Variants in SPECC1L observed in about 807,000 individuals in gnomAD.
SPECC1L encodes the protein cytospin-A.
Under a neutral mutation model 116.8 loss-of-function variants are expected in SPECC1L, and 40 were observed. The ratio of observed to expected loss-of-function variants is 0.34; its 90% CI spans 0.27 to 0.45. The LOEUF (loss-of-function observed/expected upper bound fraction) is 0.45. Ranked by LOEUF, SPECC1L falls within the 20% of genes least tolerant of loss-of-function variation. The pLI is 1.00. For missense variants in SPECC1L, 1,110 were observed against 1,373.6 expected, an observed-to-expected ratio of 0.81 and a Z score of 3.03; for synonymous variants, 504 against 500.6, an observed-to-expected ratio of 1.01 and a Z score of -0.09.
At position 24,356,393 on chromosome 22, in the gene SPECC1L, A is replaced by G. The variant is rs76111664; in HGVS notation, c.2744-6868A>G. Among the ~76,000 whole-genome samples, 25 of 152,082 alleles carry G rather than the reference A, an allele frequency of 1.6e-4. No individual in the cohort carries two copies. The East Asian group carries it at 4.6e-3, about 28-fold the overall frequency. ...ATTTGGGAATGTGTTATGTCTTCTT[A>G]GAGAACTAGCCCCTTTATTATTATT... On this transcript the variant is annotated intron_variant, in intron 11 of 16. Transcript: ENST00000314328.
intron 1 of SPECC1L, among the ~76,000 whole-genome samples, chr22:24,272,187 C>A (rs1458379346): frequency 1.3e-5 from 2 of 152,118 alleles, no homozygotes; most frequent in African/African-American, 4.8e-5. Flanking sequence ...TCAAGACCAG[C>A]CTGACCAACA....
chr22:24,352,973 A>G (rs775502991), intron 11 of SPECC1L, among the ~76,000 whole-genome samples: 3 of 152,240 alleles, frequency 2.0e-5, no homozygotes, highest in African/African-American at 4.8e-5. Context: ...AAAGTAAGTT[A>G]TAATCACTAC....
chr22:24,310,667 T>C (rs1002453349), intron 3 of SPECC1L, among the ~76,000 whole-genome samples: 7 of 152,190 alleles, frequency 4.6e-5, no homozygotes, highest in Non-Finnish European at 1.0e-4. Flanking sequence ...TCTGTCTTTT[T>C]TTTTGGTCTT....
At chr22:24,384,340 A>G (rs2042121010) in intron 14 of SPECC1L, among the ~76,000 whole-genome samples, 1 of 152,238 alleles carries the variant, frequency 6.6e-6, no homozygotes, top group Non-Finnish European at 1.5e-5. Context: ...GCCCATTCTG[A>G]AAGAAAAAGG....
In SPECC1L at chr22:24,295,671, G is replaced by T. The variant is rs547847409; in HGVS notation, c.-37-6524G>T. 3.2e-3 allele frequency among the ~76,000 whole-genome samples: 490 copies of T among 152,264 alleles called. 2 individuals carry two copies. Among genetic ancestry groups the T allele is most frequent in the Middle Eastern group, 0.014 (4 of 294 alleles). On this transcript the variant is annotated intron_variant, in intron 2 of 16. Coordinates refer to ENST00000314328, the MANE Select transcript of SPECC1L (RefSeq NM_015330.6). ...ATGTTGATTAAGAATACCAGCACGG[G>T]CCCGGCGCGGTGGCTCACACTTGTA...
At chr22:24,305,203 G>C (rs2049467761) in intron 3 of SPECC1L, among the ~76,000 whole-genome samples, 1 of 152,184 alleles carries the variant, frequency 6.6e-6, no homozygotes, top group Non-Finnish European at 1.5e-5. Context: ...GTACAGCAAA[G>C]TCCACAAAAC....
chr22:24,343,682 A>G (rs2041228571), intron 10 of SPECC1L: 1 of 202,602 alleles, frequency 4.9e-6, no homozygotes, highest in Admixed American at 6.0e-5. Context: ...GCTTGTCTCA[A>G]ATTCCTGGAC....
chr22:24,322,549 A>G lies in SPECC1L; in HGVS notation c.1569A>G (p.Ala523=), dbSNP rs1418758520. The change falls in exon 5 of 17, where the codon GCA becomes GCG. Residue 523 remains alanine, a synonymous_variant. Transcript: ENST00000314328. ...ATTTAAGCAATACTTTGAAAATGGC[A>G]GAACAAGACAATAAGGAAGCTCAAG... ...QQHLSNTLKM[A]EQDNKEAQEM... The G allele has an allele frequency of 6.2e-7, 1 of 1,614,244 alleles. No individual in the cohort carries two copies. Among genetic ancestry groups the G allele is most frequent in the African/African-American group, 1.3e-5 (1 of 75,068 alleles).
chr22:24,359,422 G>T, intron 11 of SPECC1L, among the ~76,000 whole-genome samples: 1 of 152,132 alleles, frequency 6.6e-6, no homozygotes, highest in East Asian at 1.9e-4. Context: ...CAAATTAAAT[G>T]TGTTCACGTC....
chr22:24,275,390 C>T (rs1448223114), intron 1 of SPECC1L, among the ~76,000 whole-genome samples: 1 of 152,164 alleles, frequency 6.6e-6, no homozygotes, highest in Non-Finnish European at 1.5e-5. Context: ...TTAATTGTAC[C>T]TTAGTGTCTG....
chr22:24,317,363 C>T (rs2040605913), intron 4 of SPECC1L, among the ~76,000 whole-genome samples: 1 of 117,364 alleles, frequency 8.5e-6, no homozygotes, highest in African/African-American at 3.0e-5. Flanking sequence ...GGCAGAGGGG[C>T]TCCTCACTTC....
intron 13 of SPECC1L, among the ~76,000 whole-genome samples, chr22:24,367,838 C>T (rs1432641711): frequency 1.3e-5 from 2 of 152,146 alleles, no homozygotes; most frequent in Non-Finnish European, 2.9e-5. Context: ...ATTTATTGGG[C>T]TGCTAAGTTC....
At chr22:24,399,309 G>A (rs1010314128) in intron 14 of SPECC1L, among the ~76,000 whole-genome samples, 2 of 152,206 alleles carry the variant, frequency 1.3e-5, no homozygotes, top group Admixed American at 1.3e-4. Flanking sequence ...GGTGGCTCAC[G>A]CCTGTAATCC....
At chr22:24,369,884 G>A (rs923948228) in intron 14 of SPECC1L, among the ~76,000 whole-genome samples, 3 of 152,270 alleles carry the variant, frequency 2.0e-5, no homozygotes, top group Non-Finnish European at 4.4e-5. Flanking sequence ...ATACAAAAGG[G>A]AAACCTGTAG....
chr22:24,327,318 AT>A (rs1434910974), intron 6 of SPECC1L, among the ~76,000 whole-genome samples: 4 of 151,152 alleles, frequency 2.6e-5, no homozygotes, highest in African/African-American at 4.9e-5. Context: ...GAACACACAT[AT>A]ACCAACATCA....
intron 10 of SPECC1L, among the ~76,000 whole-genome samples, chr22:24,342,865 G>A (rs1272306465): frequency 2.0e-5 from 3 of 151,982 alleles, no homozygotes; most frequent in Non-Finnish European, 4.4e-5. Flanking sequence ...AGGCGGGTCG[G>A]GGGGCAGAGT....
chr22:24,333,577 G>C lies in SPECC1L; in HGVS notation c.2397-833G>C, dbSNP rs865959665. Among the ~76,000 whole-genome samples the C allele has an allele frequency of 3.1e-5, 4 of 128,352 alleles. No homozygotes were observed. The South Asian group carries it at 7.5e-4, about 24-fold the overall frequency. 84.2% of individuals were successfully genotyped at this position (128,352 alleles called of 152,430 possible). Reference sequence around the variant, plus strand: ...TCTAGGCTTTTTTTTTTTTTTCTTTGTAGAATTCTATTTGAAGTCTACACC... The same window carrying C: ...TCTAGGCTTTTTTTTTTTTTTCTTTCTAGAATTCTATTTGAAGTCTACACC... On this transcript the variant is annotated intron_variant, in intron 8 of 16. Coordinates refer to ENST00000314328, the MANE Select transcript of SPECC1L (RefSeq NM_015330.6).
chr22:24,409,159 A>G (rs1278903652), intron 14 of SPECC1L, among the ~76,000 whole-genome samples: 1 of 152,202 alleles, frequency 6.6e-6, no homozygotes, highest in African/African-American at 2.4e-5. Context: ...ATATAATGAT[A>G]ATAATAGTGT....
intron 14 of SPECC1L, among the ~76,000 whole-genome samples, chr22:24,396,984 C>T (rs1450703473): frequency 1.3e-5 from 2 of 152,170 alleles, no homozygotes; most frequent in African/African-American, 2.4e-5. Context: ...ACGGTCCTGT[C>T]GTCACTTTCT....
Sources: allele counts gnomAD v4.1 joint callset (sites outside exome capture counted in the v4.1 genomes callset), GRCh38; gene constraint gnomAD v4.1.1; transcripts MANE v1.5; gene names NCBI Gene and HGNC (gene_info 2026-07-23, HGNC 2026-07-21).